The following AIFM2 variants were observed in gnomAD, a reference collection of about 807,000 sequenced individuals.
AIFM2 encodes the protein ferroptosis suppressor protein 1.
AIFM2 carries 38 observed loss-of-function variants against 35.7 expected under a neutral mutation model. That is an observed-to-expected ratio of 1.06 (90% CI 0.82 to 1.39). AIFM2 has a LOEUF of 1.39. Among genes scored for constraint, AIFM2 ranks in the 40% most tolerant of loss-of-function variants. The pLI is 0.00. For synonymous variants in AIFM2, 185 were observed against 203.5 expected (o/e 0.91, Z 0.77); for missense variants, 476 against 491.2 (o/e 0.97, Z 0.29).
In AIFM2 at chr10:70,124,025, G is replaced by T. The variant is rs766226723; in HGVS notation, c.60C>A (p.Gly20=). ...GGCTGGCTGCTGCGATCCCGCCAAA[G>T]CCCCCACCCACAATCACCACGTGCA... The part of the protein sequence containing the change: ...GALHVVIVGG[G]FGGIAAASQL... Residue 20 remains glycine, a synonymous_variant, in exon 2 of 9, where the codon GGC becomes GGA. Transcript: ENST00000307864. The T allele has an allele frequency of 5.1e-5, 83 of 1,611,936 alleles. 1 individual carries two copies. The East Asian group carries it at 1.8e-3, about 36-fold the overall frequency.
chr10:70,122,453 C>T (rs1325792529), intron 3 of AIFM2, among the ~76,000 whole-genome samples: 1 of 152,214 alleles, frequency 6.6e-6, no homozygotes, highest in African/African-American at 2.4e-5. Flanking sequence ...TAGCTTCAAA[C>T]ACCAAATGGG....
chr10:70,123,441 G>A lies in AIFM2; in HGVS notation c.258C>T (p.Asp86=), dbSNP rs771622632. 1 of 1,614,164 alleles carries A rather than the reference G, an allele frequency of 6.2e-7. No individual in the cohort carries two copies. Among genetic ancestry groups the A allele is most frequent in the South Asian group, 1.1e-5 (1 of 91,078 alleles). Residue 86 remains aspartate (D), a synonymous_variant, in exon 3 of 9, where the codon GAC becomes GAT. Coordinates refer to ENST00000307864, the MANE Select transcript of AIFM2 (RefSeq NM_032797.6). ...NFRQGLVVGI[D]LKNQMVLLQG... is the part of the protein sequence containing the mutation. ...GCAGCAGCACCATCTGGTTCTTCAG[G>A]TCTATCCCCACTACTAGCCCCTGCC...
rs114037181 is a variant in AIFM2 at position 70,115,276 on chromosome 10, G to A, written c.770-156C>T. Among the ~76,000 whole-genome samples, 395 of 152,306 alleles carry A rather than the reference G, an allele frequency of 2.6e-3. 4 individuals carry two copies. Among genetic ancestry groups the A allele is most frequent in the African/African-American group, 9.1e-3 (377 of 41,554 alleles). On this transcript the variant is annotated intron_variant, in intron 7 of 8. Transcript: ENST00000307864. ...ACCCCCTGGAGGTGCCTGCTCTAGA[G>A]GCCACCCTCCCACCTAATGTATTCC...
At chr10:70,130,173 ACT>A (rs1267083576) in intron 1 of AIFM2, among the ~76,000 whole-genome samples, 1 of 152,096 alleles carries the variant, frequency 6.6e-6, no homozygotes, top group Non-Finnish European at 1.5e-5. Flanking sequence ...CCAGAGCAAG[ACT>A]CTGTCTCAAA....
intron 4 of AIFM2, among the ~76,000 whole-genome samples, chr10:70,120,837 G>A (rs985795326): frequency 1.3e-5 from 2 of 151,260 alleles, no homozygotes; most frequent in Non-Finnish European, 3.0e-5. Flanking sequence ...GAAGGGACCC[G>A]TGAAAAGCCC....
intron 1 of AIFM2, among the ~76,000 whole-genome samples, chr10:70,129,500 A>T (rs965757468): frequency 6.6e-6 from 1 of 152,148 alleles, no homozygotes; most frequent in East Asian, 1.9e-4. Context: ...TATACAGGTA[A>T]TGATTACAGC....
chr10:70,128,567 C>T (rs1333190103), intron 1 of AIFM2, among the ~76,000 whole-genome samples: 6 of 152,214 alleles, frequency 3.9e-5, no homozygotes, highest in African/African-American at 7.2e-5. Flanking sequence ...TTCGCCGTGT[C>T]GGCCAGGCTG....
chr10:70,126,781 C>T (rs550121852), intron 1 of AIFM2, among the ~76,000 whole-genome samples: 10 of 152,246 alleles, frequency 6.6e-5, no homozygotes, highest in East Asian at 1.9e-4. Flanking sequence ...GTAGAGCGGA[C>T]GGAGGGCACT....
At chr10:70,122,109 A>AT (rs941228220) in intron 3 of AIFM2, among the ~76,000 whole-genome samples, 1 of 151,974 alleles carries the variant, frequency 6.6e-6, no homozygotes, top group Non-Finnish European at 1.5e-5. Context: ...AATTAAAAAA[A>AT]TTTTTTTTTA....
At position 70,120,569 on chromosome 10, in the gene AIFM2, C is replaced by T. The variant is rs1217589817; in HGVS notation, c.445G>A (p.Gly149Arg). ...VQRSRFIVVV[G>R]GGSAGVEMAA... ...ATCTCCACTCCAGCCGAGCCTCCTC[C>T]CACCACCACGATGAACCGTGAGCGC... Residue 149 changes from glycine (G) to arginine (R), a missense_variant, in exon 5 of 9, where the codon GGA (glycine) becomes AGA (arginine). By Grantham distance (125) the Gly-to-Arg change is moderately radical (BLOSUM62 -2). Transcript: ENST00000307864. 6.2e-7 allele frequency: 1 copy of T among 1,614,144 alleles called. No individual in the cohort carries two copies.
At chr10:70,122,078 G>A (rs1299013673) in intron 3 of AIFM2, among the ~76,000 whole-genome samples, 1 of 152,008 alleles carries the variant, frequency 6.6e-6, no homozygotes, top group Non-Finnish European at 1.5e-5. Context: ...GGCAACAAGA[G>A]CGAAACTCCA....
intron 5 of AIFM2, among the ~76,000 whole-genome samples, chr10:70,118,602 CAT>C (rs1194245849): frequency 1.3e-5 from 2 of 152,186 alleles, no homozygotes; most frequent in African/African-American, 2.4e-5. Context: ...AAATCCTAAA[CAT>C]GTGGATATTT....
intron 5 of AIFM2, 100 bp from the exon 6 acceptor site, chr10:70,118,020 G>T: frequency 1.2e-6 from 1 of 824,652 alleles, no homozygotes; most frequent in Non-Finnish European, 2.0e-6. Flanking sequence ...CCAGGTTACA[G>T]ATGAGGAAAC....
intron 1 of AIFM2, among the ~76,000 whole-genome samples, chr10:70,129,856 A>G (rs1439573527): frequency 6.6e-6 from 1 of 151,408 alleles, no homozygotes; most frequent in African/African-American, 2.4e-5. Flanking sequence ...TGATTGCACC[A>G]CTGCACTCCA....
Position 70,117,795 on chromosome 10 carries a change from G to A in AIFM2, c.616+17C>T. On this transcript the variant is annotated intron_variant, in intron 6 of 8. Transcript: ENST00000307864. This position sits in a 1 kb window ranked among gnomAD's most constrained non-coding sequence, Gnocchi z 4.7. The stretch of plus-strand genomic sequence containing the variant: ...CAGGCCAGGGCAGGGCAGGGAGGGA[G>A]GTGAGGGTGCACGTACTCAGCAGCA... The A allele has an allele frequency of 6.3e-7, 1 of 1,590,524 alleles. No homozygotes were observed. The highest frequency in any genetic ancestry group is 1.4e-5 in the African/African-American group (1 of 73,746).
At chr10:70,119,223 C>T (rs1589847652) in intron 5 of AIFM2, among the ~76,000 whole-genome samples, 1 of 152,306 alleles carries the variant, frequency 6.6e-6, no homozygotes, top group African/African-American at 2.4e-5. Flanking sequence ...TTAAAACATC[C>T]TTCGTCATAA....
chr10:70,129,126 ATTTT>A (rs35700120), intron 1 of AIFM2, among the ~76,000 whole-genome samples: 1 of 133,914 alleles, frequency 7.5e-6, no homozygotes. Flanking sequence ...GAGCTGGCTA[ATTTT>A]TTTTTTTTTT....
At chr10:70,121,035 C>G (rs73273531) in intron 4 of AIFM2, 57 bp downstream of exon 4, 421,395 of 1,582,820 alleles carry the variant, frequency 0.27, 59,720 homozygotes, top group African/African-American at 0.43. Context: ...CCTAGGCATC[C>G]CCAAGGCTGT....
Position 70,132,817 on chromosome 10 carries a change from C to A in AIFM2, c.-97G>T. 6.6e-6 allele frequency: 1 copy of A among 152,202 alleles called. No homozygotes were observed. Among genetic ancestry groups the A allele is most frequent in the South Asian group, 1.9e-4 (1 of 5,276 alleles). 9.4% of individuals were successfully genotyped at this position (152,202 alleles called of 1,614,324 possible). On this transcript the variant is annotated 5_prime_UTR_variant, in exon 1 of 9. Coordinates refer to ENST00000307864, the MANE Select transcript of AIFM2 (RefSeq NM_032797.6). Reference sequence around the variant, plus strand: ...TGGTCGTCTTCCCGAGTTACTGACCCGAGGCGCTCCCGGGCGGGGCGTGAC... The same window carrying A: ...TGGTCGTCTTCCCGAGTTACTGACCAGAGGCGCTCCCGGGCGGGGCGTGAC...
Sources: gnomAD v4.1 joint callset for allele counts (sites outside exome capture counted in the v4.1 genomes callset) on GRCh38, gnomAD v4.1.1 for gene constraint, Gnocchi (gnomAD v3.1) non-coding constraint, MANE v1.5 for transcripts, NCBI Gene and HGNC (gene_info 2026-07-23, HGNC 2026-07-21) for gene names.